Variants in KDM3A observed in about 807,000 individuals in gnomAD.
KDM3A encodes lysine demethylase 3A.
Under a neutral mutation model 158.0 loss-of-function variants are expected in KDM3A, and 60 were observed. The ratio of observed to expected loss-of-function variants is 0.38; its 90% CI spans 0.31 to 0.47. The LOEUF is 0.47. Ranked by LOEUF, KDM3A falls within the 20% of genes least tolerant of loss-of-function variation. The pLI is 0.99. For synonymous variants in KDM3A, 608 were observed against 549.3 expected (o/e 1.11, Z -1.49); for missense variants, 1,319 against 1,574.3 (o/e 0.84, Z 2.74).
In KDM3A at chr2:86,483,925, C is replaced by T. The variant is rs1226602313; in HGVS notation, c.2923-62C>T. ...CCAATAGCAGTGTGAAGAGGGACTGCCTTCGGGAGTGGGGACAGAGCTGGC... is the reference window on the plus strand; with the variant it reads ...CCAATAGCAGTGTGAAGAGGGACTGTCTTCGGGAGTGGGGACAGAGCTGGC... On this transcript the variant is annotated intron_variant, in intron 18 of 25. Transcript: ENST00000312912. 4 of 1,348,510 alleles carry T rather than the reference C, an allele frequency of 3.0e-6. No homozygotes were observed. In the East Asian group the frequency reaches 9.3e-5, roughly 31 times the overall value. The allele number at this position is 1,348,510 out of a possible 1,614,324, so 83.5% of individuals were successfully genotyped here.
rs1436293469 is a variant in KDM3A at position 86,466,594 on chromosome 2, G to C, written c.1230G>C (p.Leu410Phe). 1 of 1,613,918 alleles carries C rather than the reference G, an allele frequency of 6.2e-7. No individual in the cohort carries two copies. The highest frequency in any genetic ancestry group is 1.1e-5 in the South Asian group (1 of 91,046). Reference protein sequence around the residue: ...ENRLESVPQALTGLPKECLPT... With the variant: ...ENRLESVPQAFTGLPKECLPT... ...GATTGGAGTCTGTTCCACAAGCATT[G>C]ACTGGCCTTCCTAAGGAGTGCTTAC... Residue 410 changes from leucine (L) to phenylalanine (F), a missense_variant, in exon 10 of 26, where the codon TTG becomes TTC. Physicochemically the swap from Leu to Phe is conservative, Grantham distance 22. Coordinates refer to ENST00000312912, the MANE Select transcript of KDM3A (RefSeq NM_018433.6).
chr2:86,450,143 A>G (rs902309098), intron 3 of KDM3A, among the ~76,000 whole-genome samples, 181 bp downstream of exon 3: 1 of 152,226 alleles, frequency 6.6e-6, no homozygotes, highest in African/African-American at 2.4e-5. Context: ...CCTCGTGTTC[A>G]CTTGACAAAT....
intron 20 of KDM3A, 107 bp from the exon 21 acceptor site, chr2:86,485,622 T>A: frequency 7.5e-7 from 1 of 1,329,250 alleles, no homozygotes; most frequent in South Asian, 1.3e-5. Flanking sequence ...GTCTGCATGA[T>A]CACAGATGGA....
At chr2:86,439,799 TTAATA>T (rs1682588605), upstream of KDM3A, among the ~76,000 whole-genome samples, 2 of 152,168 alleles carry the variant, frequency 1.3e-5, no homozygotes, top group African/African-American at 4.8e-5. Context: ...GACTTTATCT[TTAATA>T]TAAAATCCTT....
intron 2 of KDM3A, among the ~76,000 whole-genome samples, chr2:86,448,279 C>G (rs1683035285): frequency 6.6e-6 from 1 of 152,092 alleles, no homozygotes; most frequent in South Asian, 2.1e-4. Flanking sequence ...ATCCTGTAGA[C>G]TGGAGAAGGT....
At position 86,454,504 on chromosome 2, in the gene KDM3A, A is replaced by G. The variant is rs575018766; in HGVS notation, c.454-581A>G. Among the ~76,000 whole-genome samples the G allele has an allele frequency of 3.9e-5, 6 of 152,328 alleles. No homozygotes were observed. The South Asian group carries it at 1.2e-3, about 32-fold the overall frequency. ...TCAAAAGGTTTGGAGAACATTGATC[A>G]AGGAAACATTTTTCTGATTGATGAA... On this transcript the variant is annotated intron_variant, in intron 4 of 25. Coordinates refer to ENST00000312912, the MANE Select transcript of KDM3A (RefSeq NM_018433.6).
chr2:86,438,114 G>A (rs897168837), upstream of KDM3A, among the ~76,000 whole-genome samples: 6 of 151,912 alleles, frequency 3.9e-5, no homozygotes, highest in Non-Finnish European at 8.8e-5. Context: ...TATATTTCTG[G>A]TAGATATCCT....
chr2:86,442,444 T>G (rs1202318183), intron 2 of KDM3A: 1 of 545,282 alleles, frequency 1.8e-6, no homozygotes, highest in Non-Finnish European at 3.3e-6. Flanking sequence ...CTGGCTTTAA[T>G]AATGGGCTTA....
chr2:86,448,956 C>T (rs1191913316), intron 2 of KDM3A, among the ~76,000 whole-genome samples: 3 of 152,122 alleles, frequency 2.0e-5, no homozygotes, highest in Non-Finnish European at 4.4e-5. Context: ...TTTTATATGA[C>T]TTTGAGTTTT....
chr2:86,444,256 A>C (rs1351076671), intron 2 of KDM3A, among the ~76,000 whole-genome samples: 1 of 152,204 alleles, frequency 6.6e-6, no homozygotes, highest in Admixed American at 6.5e-5. Context: ...GATTGGGCCC[A>C]GTGTCTTCTC....
chr2:86,464,857 C>G (rs1357949042), intron 9 of KDM3A, among the ~76,000 whole-genome samples: 1 of 152,126 alleles, frequency 6.6e-6, no homozygotes, highest in East Asian at 1.9e-4. Context: ...AGATGTAGGT[C>G]AGAGAGACTG....
chr2:86,442,161 C>T lies in KDM3A; in HGVS notation c.114C>T (p.Val38=). 2 of 1,614,068 alleles carry T rather than the reference C, an allele frequency of 1.2e-6. No homozygotes were observed. The highest frequency in any genetic ancestry group is 1.7e-6 in the Non-Finnish European group (2 of 1,180,012). The change falls in exon 2 of 26, where the codon GTC becomes GTT. Residue 38 remains valine, a synonymous_variant. Transcript: ENST00000312912. ...GSHDSWDVER[V]AEWPWLSGTI... Reference sequence around the variant, plus strand: ...ACGACAGCTGGGACGTGGAGCGCGTCGCCGAGTGGCCCTGGCTCTCCGGGA... The same window carrying T: ...ACGACAGCTGGGACGTGGAGCGCGTTGCCGAGTGGCCCTGGCTCTCCGGGA...
At chr2:86,441,679 C>G (rs1558598801) in intron 1 of KDM3A, among the ~76,000 whole-genome samples, 1 of 150,960 alleles carries the variant, frequency 6.6e-6, no homozygotes, top group African/African-American at 2.4e-5. Context: ...GGGACCGGCT[C>G]TCTGCACCAG....
At chr2:86,443,232 T>C (rs565591562) in intron 2 of KDM3A, 1 of 152,362 alleles carries the variant, frequency 6.6e-6, no homozygotes, top group African/African-American at 2.4e-5. Flanking sequence ...CACTTGGCCA[T>C]CATCTTTGCT....
intron 8 of KDM3A, among the ~76,000 whole-genome samples, chr2:86,463,584 C>T (rs1261861326): frequency 2.0e-5 from 3 of 152,184 alleles, no homozygotes; most frequent in Admixed American, 1.3e-4. Flanking sequence ...ATTGCAAAGG[C>T]TTATCTGGGT....
chr2:86,474,774 A>G lies in KDM3A; in HGVS notation c.1725-2A>G. ...CATCTTTTTTTCCCCTGCTTCCCCTAGGTTACAATTCAACAAACATGGTGT... is the reference window on the plus strand; with the variant it reads ...CATCTTTTTTTCCCCTGCTTCCCCTGGGTTACAATTCAACAAACATGGTGT... On this transcript the variant is annotated splice_acceptor_variant, in intron 11 of 25. Transcript: ENST00000312912. LOFTEE classifies it high-confidence loss of function. 6.4e-7 allele frequency: 1 copy of G among 1,556,490 alleles called. No individual in the cohort carries two copies. The highest frequency in any genetic ancestry group is 8.7e-7 in the Non-Finnish European group (1 of 1,143,118).
At chr2:86,451,264 T>G in intron 4 of KDM3A, 51 bp downstream of exon 4, 3 of 1,195,488 alleles carry the variant, frequency 2.5e-6, no homozygotes, top group Non-Finnish European at 3.6e-6. Flanking sequence ...ACGAACTCCT[T>G]TAACATGAGA....
intron 3 of KDM3A, 81 bp from the exon 4 acceptor site, chr2:86,451,022 G>T (rs1343309358): frequency 1.2e-6 from 1 of 845,666 alleles, no homozygotes; most frequent in Non-Finnish European, 1.8e-6. Context: ...CACTTTCTCT[G>T]TGTGTGGAAA....
At chr2:86,482,196 G>A (rs1208969312) in intron 17 of KDM3A, 94 bp downstream of exon 17, 1 of 1,369,174 alleles carries the variant, frequency 7.3e-7, no homozygotes, top group African/African-American at 1.5e-5. Context: ...AAAGGAGACT[G>A]AATCACATAC....
Sources: gnomAD v4.1 joint callset for allele counts (sites outside exome capture counted in the v4.1 genomes callset) on GRCh38, gnomAD v4.1.1 for gene constraint, MANE v1.5 for transcripts, NCBI Gene and HGNC (gene_info 2026-07-23, HGNC 2026-07-21) for gene names.